DYNC2I1: variants seen among roughly 807,000 people sequenced by gnomAD.
DYNC2I1 encodes cytoplasmic dynein 2 intermediate chain 1.
A neutral mutation model predicts 133.4 loss-of-function variants in DYNC2I1; 89 were observed. The observed-to-expected ratio is 0.67, with a 90% CI of 0.56 to 0.80. The LOEUF (loss-of-function observed/expected upper bound fraction) is 0.80. Among genes scored for constraint, DYNC2I1 ranks in the 30% least tolerant of loss-of-function variants. DYNC2I1 has a pLI of 0.00. For synonymous variants in DYNC2I1, 504 were observed against 484.3 expected, an observed-to-expected ratio of 1.04 and a Z score of -0.54; for missense variants, 1,291 against 1,314.5, an observed-to-expected ratio of 0.98 and a Z score of 0.28.
chr7:158,843,390 A>G, the DYNC2I1 span, among the ~76,000 whole-genome samples: 14 of 152,186 alleles, frequency 9.2e-5, no homozygotes, highest in Non-Finnish European at 1.8e-4. Flanking sequence ...CCACCTGAGT[A>G]GCAGGGATTA....
intron 1 of DYNC2I1, among the ~76,000 whole-genome samples, chr7:158,868,290 T>G (rs1257842264): frequency 6.6e-6 from 1 of 152,164 alleles, no homozygotes; most frequent in Non-Finnish European, 1.5e-5. Context: ...GATGCCGCCT[T>G]TCCCGGCACG....
upstream of DYNC2I1, among the ~76,000 whole-genome samples, chr7:158,855,431 G>A (rs1193341745): frequency 6.6e-6 from 1 of 152,222 alleles, no homozygotes; most frequent in Non-Finnish European, 1.5e-5. Context: ...CTTAGGAGCA[G>A]TTTAGGGAGG....
At chr7:158,904,486 A>G (rs1846560249) in intron 10 of DYNC2I1, 1 of 152,198 alleles carries the variant, frequency 6.6e-6, no homozygotes, top group African/African-American at 2.4e-5. Flanking sequence ...TACACTTCCA[A>G]AAGGTAAATG....
chr7:158,872,767 T>C (rs185714709), intron 3 of DYNC2I1, among the ~76,000 whole-genome samples: 2 of 151,986 alleles, frequency 1.3e-5, no homozygotes, highest in African/African-American at 4.8e-5. Context: ...GAGGCCGAGG[T>C]GGGCAGATCA....
At chr7:158,935,563 T>C (rs1192983510) in intron 23 of DYNC2I1, among the ~76,000 whole-genome samples, 1 of 152,216 alleles carries the variant, frequency 6.6e-6, no homozygotes, top group African/African-American at 2.4e-5. Context: ...TAAATTATGT[T>C]TATATGTCAG....
At chr7:158,925,783 G>T (rs558215794) in intron 17 of DYNC2I1, among the ~76,000 whole-genome samples, 1 of 152,044 alleles carries the variant, frequency 6.6e-6, no homozygotes. Flanking sequence ...CCTTCCCATC[G>T]GCCGTGCTGC....
rs201289477 is a variant in DYNC2I1, at chr7:158,879,955, C to T, written c.845C>T (p.Ser282Leu). Residue 282 changes from serine to leucine, a missense_variant, in exon 5 of 25, where the codon TCG (serine) becomes TTG (leucine). By Grantham distance (145) the Ser-to-Leu change is moderately radical (BLOSUM62 -2). Transcript: ENST00000407559. Reference protein sequence around the residue: ...HQSNVDRKEKSAKDEPRKRES... With the variant: ...HQSNVDRKEKLAKDEPRKRES... ...AGCAACGTGGATAGAAAAGAGAAAT[C>T]GGCAAAAGATGAGCCCAGGAAAAGG... 1.6e-5 allele frequency: 25 copies of T among 1,602,378 alleles called. No homozygotes were observed. In the Middle Eastern group the frequency reaches 1.5e-3, roughly 97 times the overall value.
chr7:158,907,491 G>A (rs1010401621), intron 11 of DYNC2I1, among the ~76,000 whole-genome samples: 2 of 152,228 alleles, frequency 1.3e-5, no homozygotes, highest in Non-Finnish European at 1.5e-5. Flanking sequence ...CTTGGAATGT[G>A]TCAGGGAGGA....
At chr7:158,916,509 G>T (rs1172822653) in intron 14 of DYNC2I1, among the ~76,000 whole-genome samples, 1 of 60,752 alleles carries the variant, frequency 1.6e-5, no homozygotes, top group Non-Finnish European at 3.7e-5. Flanking sequence ...AAGGATGATT[G>T]TGAAACGTCT....
At chr7:158,912,908 CTCAT>C (rs1395356586) in intron 12 of DYNC2I1, 73 bp from the exon 13 acceptor site, 7 of 1,013,700 alleles carry the variant, frequency 6.9e-6, no homozygotes, top group Non-Finnish European at 8.8e-6. Flanking sequence ...CACAGTGACT[CTCAT>C]TATTATTTCA....
intron 1 of DYNC2I1, among the ~76,000 whole-genome samples, chr7:158,864,356 G>A (rs754198496): frequency 1.1e-4 from 17 of 152,156 alleles, no homozygotes; most frequent in Admixed American, 2.0e-4. Flanking sequence ...TCTGTCATGT[G>A]GGGACTCAGG....
intron 24 of DYNC2I1, among the ~76,000 whole-genome samples, chr7:158,944,409 G>A (rs966300879): frequency 1.3e-5 from 2 of 152,182 alleles, no homozygotes; most frequent in African/African-American, 4.8e-5. Context: ...CCAAGGGACT[G>A]TTTTATTTGC....
At chr7:158,957,068 G>A (rs541675294), downstream of DYNC2I1, among the ~76,000 whole-genome samples, 279 of 152,282 alleles carry the variant, frequency 1.8e-3, no homozygotes, top group Admixed American at 3.3e-3. Flanking sequence ...GATCTATTTC[G>A]CTGCTGCTGC....
At chr7:158,935,113 C>T (rs1850617775) in intron 23 of DYNC2I1, among the ~76,000 whole-genome samples, 1 of 152,194 alleles carries the variant, frequency 6.6e-6, no homozygotes, top group Non-Finnish European at 1.5e-5. Context: ...AGGATTTTTG[C>T]CTGTGTTCTT....
chr7:158,952,759 A>C (rs918878348), intron 4 of DYNC2I1, among the ~76,000 whole-genome samples: 1 of 151,682 alleles, frequency 6.6e-6, no homozygotes, highest in African/African-American at 2.4e-5. Flanking sequence ...CAGGGAGAAA[A>C]GGAGGGTGAA....
At position 158,856,664 on chromosome 7, in the gene DYNC2I1, G is replaced by A; in HGVS notation, c.-72G>A. 1 of 1,227,890 alleles carries A rather than the reference G, an allele frequency of 8.1e-7. No homozygotes were observed. The highest frequency in any genetic ancestry group is 1.0e-6 in the Non-Finnish European group (1 of 983,626). 76.1% of individuals were successfully genotyped at this position (1,227,890 alleles called of 1,614,324 possible). A position where few individuals can be genotyped will look rare whatever the true frequency, so the allele number is the denominator to read the frequency against. ...GCCTCCCGAAGGGTGCGGGGCACAG[G>A]TGGCCTCTTCGGGGTGGACCGCGCC... On this transcript the variant is annotated 5_prime_UTR_variant, in exon 1 of 25. It adds an upstream start codon to the 5' untranslated region. Transcript: ENST00000407559.
intron 1 of DYNC2I1, among the ~76,000 whole-genome samples, chr7:158,864,100 G>A (rs1438400991): frequency 5.0e-5 from 7 of 140,406 alleles, no homozygotes; most frequent in Non-Finnish European, 7.7e-5. Flanking sequence ...GGGGGAGAGG[G>A]ACGTCCTTAG....
At position 158,934,238 on chromosome 7, in the gene DYNC2I1, A is replaced by G. The variant is rs1222986198; in HGVS notation, c.2646+10A>G. The G allele has an allele frequency of 1.3e-6, 2 of 1,595,144 alleles. No homozygotes were observed. Among genetic ancestry groups the G allele is most frequent in the African/African-American group, 2.7e-5 (2 of 73,816 alleles). On this transcript the variant is annotated intron_variant, in intron 22 of 24. Transcript: ENST00000407559. The stretch of plus-strand genomic sequence containing the variant: ...TATTGGCACAGACATGGTGAGTAGT[A>G]TTTTAAATTTAATCCTATTACTCAT...
At chr7:158,943,106 G>A (rs549724079) in intron 24 of DYNC2I1, among the ~76,000 whole-genome samples, 12 of 152,306 alleles carry the variant, frequency 7.9e-5, no homozygotes, top group African/African-American at 2.9e-4. Flanking sequence ...AAAGATAAGA[G>A]TTTAATAGAA....
Sources: allele counts gnomAD v4.1 joint callset (sites outside exome capture counted in the v4.1 genomes callset), GRCh38; gene constraint gnomAD v4.1.1; transcripts MANE v1.5; gene names NCBI Gene and HGNC (gene_info 2026-07-23, HGNC 2026-07-21).